Variants in HTT-AS observed in about 807,000 individuals in gnomAD.
The protein encoded by HTT-AS is HTT antisense RNA.
chr4:3,070,452 G>A (rs778227386), intron 1 of HTT-AS, among the ~76,000 whole-genome samples: 20 of 151,940 alleles, frequency 1.3e-4, no homozygotes, highest in East Asian at 1.9e-4. Context: ...CACCATGCCC[G>A]GCTAATTTTT....
chr4:3,074,130 A>C (rs1006146159), intron 1 of HTT-AS, among the ~76,000 whole-genome samples: 26 of 71,498 alleles, frequency 3.6e-4, no homozygotes, highest in South Asian at 6.9e-4. Flanking sequence ...CAGCCTCCCC[A>C]CCCCTCACCG....
chr4:3,073,671 G>A (rs912883314), intron 1 of HTT-AS, among the ~76,000 whole-genome samples: 1 of 152,310 alleles, frequency 6.6e-6, no homozygotes, highest in South Asian at 2.1e-4. Context: ...GACCGATGGG[G>A]GGCGCCAGGC....
At chr4:3,072,768 C>G (rs1712206491) in intron 1 of HTT-AS, among the ~76,000 whole-genome samples, 1 of 152,184 alleles carries the variant, frequency 6.6e-6, no homozygotes, top group Admixed American at 6.5e-5. Flanking sequence ...GCTGGGACTA[C>G]AGGCATGCAC....
intron 1 of HTT-AS, among the ~76,000 whole-genome samples, chr4:3,067,872 C>A (rs1477658497): frequency 6.6e-6 from 1 of 152,156 alleles, no homozygotes; most frequent in Admixed American, 6.5e-5. Flanking sequence ...TCTCCTTACA[C>A]CCCCAGACGT....
downstream of HTT-AS, among the ~76,000 whole-genome samples, chr4:3,047,278 T>C (rs1484821088): frequency 6.6e-6 from 1 of 151,958 alleles, no homozygotes; most frequent in Non-Finnish European, 1.5e-5. Context: ...GCCACTGCCC[T>C]CCAGCCTGGG....
intron 1 of HTT-AS, among the ~76,000 whole-genome samples, chr4:3,071,716 G>A (rs1462791399): frequency 1.3e-5 from 2 of 152,178 alleles, no homozygotes; most frequent in African/African-American, 4.8e-5. Context: ...GAGGTAAGGA[G>A]GCTAAAATGA....
intron 2 of HTT-AS, among the ~76,000 whole-genome samples, chr4:3,055,536 T>C (rs1332233197): frequency 6.6e-6 from 1 of 152,208 alleles, no homozygotes. Flanking sequence ...AGCCTTCATT[T>C]TTAAATGCAT....
intron 2 of HTT-AS, among the ~76,000 whole-genome samples, chr4:3,052,388 T>C: frequency 6.6e-6 from 1 of 152,186 alleles, no homozygotes; most frequent in East Asian, 1.9e-4. Context: ...AAAGTAGATA[T>C]TCTGGCTCTA....
Position 3,054,480 on chromosome 4 carries a change from T to C in HTT-AS, n.1381-4782A>G, listed in dbSNP as rs532046886. On this transcript the variant is annotated intron_variant and non_coding_transcript_variant, in intron 2 of 2. Transcript: ENST00000664062. Reference sequence around the variant, plus strand: ...GTGTGAGGAGAGTGAAATGTGTTTTTGGTAAAAGATTATAAGAAGGCATGG... The same window carrying C: ...GTGTGAGGAGAGTGAAATGTGTTTTCGGTAAAAGATTATAAGAAGGCATGG... Among the ~76,000 whole-genome samples, 286 of 152,288 alleles carry C rather than the reference T, an allele frequency of 1.9e-3. 3 individuals are homozygous for C. In the South Asian group the frequency reaches 0.052, roughly 27 times the overall value.
chr4:3,058,881 G>GGCTAATT (rs759424437), intron 2 of HTT-AS, among the ~76,000 whole-genome samples: 1 of 151,814 alleles, frequency 6.6e-6, no homozygotes, highest in Non-Finnish European at 1.5e-5. Context: ...CATCATACTG[G>GGCTAATT]GCTAATTTTT....
chr4:3,062,930 G>A (rs1711969879), exon 2 of HTT-AS, among the ~76,000 whole-genome samples: 1 of 152,104 alleles, frequency 6.6e-6, no homozygotes, highest in Non-Finnish European at 1.5e-5. Flanking sequence ...GGGCTTTAGA[G>A]TTCTTGCTCA....
chr4:3,046,921 T>C (rs1350597781), downstream of HTT-AS, among the ~76,000 whole-genome samples: 1 of 152,190 alleles, frequency 6.6e-6, no homozygotes, highest in African/African-American at 2.4e-5. Context: ...GGTTCTCACT[T>C]AGGTGAGTGT....
intron 2 of HTT-AS, among the ~76,000 whole-genome samples, chr4:3,061,986 TAAAAAAAA>T (rs548695397): frequency 7.9e-5 from 5 of 63,426 alleles, no homozygotes; most frequent in African/African-American, 1.6e-4. Flanking sequence ...TATCTCAAAT[TAAAAAAAA>T]AAAAAAAAAA....
intron 2 of HTT-AS, among the ~76,000 whole-genome samples, chr4:3,059,088 C>G (rs1711865899): frequency 2.0e-5 from 3 of 152,308 alleles, no homozygotes; most frequent in Middle Eastern, 3.4e-3. Context: ...ATCCTTGCGT[C>G]CTTGCAGATG....
exon 3 of HTT-AS, among the ~76,000 whole-genome samples, chr4:3,049,210 G>A (rs988050629): frequency 2.0e-5 from 3 of 152,118 alleles, no homozygotes; most frequent in African/African-American, 7.2e-5. Context: ...GATCACCTGA[G>A]GTTAGAAGTT....
At chr4:3,062,276 C>T (rs868829977) in intron 2 of HTT-AS, among the ~76,000 whole-genome samples, 2 of 152,088 alleles carry the variant, frequency 1.3e-5, no homozygotes, top group African/African-American at 4.8e-5. Context: ...ATGGTCCTCC[C>T]GCCTCAGCCT....
At chr4:3,067,760 G>T (rs1027902782) in intron 1 of HTT-AS, among the ~76,000 whole-genome samples, 5 of 152,108 alleles carry the variant, frequency 3.3e-5, no homozygotes, top group Admixed American at 6.5e-5. Context: ...AGAACTTCTG[G>T]AGCTGGTATA....
intron 1 of HTT-AS, among the ~76,000 whole-genome samples, chr4:3,070,985 T>A (rs1216991010): frequency 6.6e-6 from 1 of 152,218 alleles, no homozygotes; most frequent in Admixed American, 6.5e-5. Flanking sequence ...CTGTGAACTT[T>A]AAAAACCTGT....
intron 2 of HTT-AS, among the ~76,000 whole-genome samples, chr4:3,053,171 C>A (rs1478970825): frequency 6.6e-6 from 1 of 152,196 alleles, no homozygotes; most frequent in Non-Finnish European, 1.5e-5. Flanking sequence ...AAAAATCTTA[C>A]AACTATTGGA....
Sources: gnomAD v4.1 joint callset for allele counts (sites outside exome capture counted in the v4.1 genomes callset) on GRCh38, gnomAD v4.1.1 for gene constraint, MANE v1.5 for transcripts, NCBI Gene and HGNC (gene_info 2026-07-23, HGNC 2026-07-21) for gene names.